Variants in RERE observed in about 807,000 individuals in gnomAD.
RERE encodes the protein arginine-glutamic acid dipeptide repeats protein.
Under a neutral mutation model 146.1 loss-of-function variants are expected in RERE, and 40 were observed. The ratio of observed to expected loss-of-function variants is 0.27; its 90% CI spans 0.21 to 0.36. The LOEUF (loss-of-function observed/expected upper bound fraction) is 0.36. RERE is among the 10% of genes least tolerant of loss of function. RERE has a pLI of 1.00. For synonymous variants in RERE, 1,003 were observed against 866.0 expected (o/e 1.16, Z -2.78); for missense variants, 1,933 against 2,138.7 (o/e 0.90, Z 1.90).
intron 4 of RERE, among the ~76,000 whole-genome samples, chr1:8,605,745 CAA>C (rs564574812): frequency 1.1e-3 from 73 of 64,518 alleles, no homozygotes; most frequent in East Asian, 1.9e-3. Flanking sequence ...ACCCCATCTC[CAA>C]AAAAAAAAAA....
intron 1 of RERE, among the ~76,000 whole-genome samples, chr1:8,743,962 G>T (rs559929506): frequency 4.6e-4 from 70 of 152,202 alleles, no homozygotes; most frequent in African/African-American, 1.6e-3. Flanking sequence ...GGAATATTTG[G>T]GTTTGTTTCA....
intron 10 of RERE, among the ~76,000 whole-genome samples, chr1:8,486,351 C>A (rs183778699): frequency 1.3e-5 from 2 of 152,088 alleles, no homozygotes; most frequent in East Asian, 1.9e-4. Context: ...TACTCTTTGA[C>A]CACTGAATTA....
intron 2 of RERE, among the ~76,000 whole-genome samples, chr1:8,633,431 G>A (rs1378484184): frequency 1.3e-5 from 2 of 151,590 alleles, no homozygotes; most frequent in African/African-American, 4.9e-5. Flanking sequence ...TCTTAAACAC[G>A]CACGTGCGCA....
At chr1:8,650,554 G>A (rs1347054425) in intron 2 of RERE, among the ~76,000 whole-genome samples, 1 of 152,122 alleles carries the variant, frequency 6.6e-6, no homozygotes, top group African/African-American at 2.4e-5. Flanking sequence ...CCTGAGGTCA[G>A]GAGTTCGAGA....
chr1:8,717,099 AG>A (rs1482492396), intron 1 of RERE, among the ~76,000 whole-genome samples: 8 of 152,246 alleles, frequency 5.3e-5, no homozygotes, highest in Admixed American at 5.2e-4. Context: ...AGCTTTTAAA[AG>A]AAGCAGTAGG....
chr1:8,661,880 G>A (rs1036279822), intron 1 of RERE, among the ~76,000 whole-genome samples: 26 of 152,196 alleles, frequency 1.7e-4, no homozygotes, highest in African/African-American at 6.3e-4. Context: ...CAGGAAGTGA[G>A]TACAACTTTT....
At chr1:8,742,472 G>C (rs1191023489) in intron 1 of RERE, among the ~76,000 whole-genome samples, 4 of 152,094 alleles carry the variant, frequency 2.6e-5, no homozygotes, top group African/African-American at 7.2e-5. Context: ...CCACTCAATG[G>C]CCAAGGGAAA....
intron 11 of RERE, among the ~76,000 whole-genome samples, chr1:8,441,821 C>T (rs1391672626): frequency 6.6e-6 from 1 of 151,934 alleles, no homozygotes; most frequent in African/African-American, 2.4e-5. Context: ...TCAACATTTA[C>T]ATTATTTCGT....
At chr1:8,405,781 T>C (rs761514151) in intron 12 of RERE, among the ~76,000 whole-genome samples, 25 of 152,130 alleles carry the variant, frequency 1.6e-4, no homozygotes, top group Non-Finnish European at 2.6e-4. Context: ...TGGGACTACA[T>C]GCACACGCCA....
chr1:8,371,338 C>T (rs190331218), intron 12 of RERE, among the ~76,000 whole-genome samples: 1 of 152,288 alleles, frequency 6.6e-6, no homozygotes, highest in African/African-American at 2.4e-5. Flanking sequence ...GGTGTCTTTC[C>T]AGGCTATACA....
At chr1:8,358,016 G>A (rs992178530) in intron 20 of RERE, among the ~76,000 whole-genome samples, 180 bp downstream of exon 20, 2 of 152,276 alleles carry the variant, frequency 1.3e-5, no homozygotes, top group African/African-American at 2.4e-5. Context: ...CGGGGCCGAG[G>A]AGAGACTGCG....
intron 4 of RERE, among the ~76,000 whole-genome samples, chr1:8,570,059 C>T (rs1646200575): frequency 6.6e-6 from 1 of 152,082 alleles, no homozygotes; most frequent in African/African-American, 2.4e-5. Context: ...AAATTTCTGG[C>T]TGGGTGCGGT....
At chr1:8,566,477 G>A (rs1039937613) in intron 4 of RERE, among the ~76,000 whole-genome samples, 3 of 151,964 alleles carry the variant, frequency 2.0e-5, no homozygotes, top group African/African-American at 4.8e-5. Context: ...AAAATTAGCC[G>A]GGTGTGGTGG....
intron 7 of RERE, among the ~76,000 whole-genome samples, chr1:8,531,759 C>T (rs1645657217): frequency 1.3e-5 from 2 of 152,120 alleles, no homozygotes; most frequent in African/African-American, 2.4e-5. Context: ...AGAGTCCCCT[C>T]CCCAATTATT....
chr1:8,564,826 ATGTGTATGTGTGTGTGTG>A (rs1387366438), intron 4 of RERE, among the ~76,000 whole-genome samples: 4 of 117,938 alleles, frequency 3.4e-5, no homozygotes, highest in Admixed American at 1.7e-4. Flanking sequence ...GTGTGTGTAT[ATGTGTATGTGTGTGTGTG>A]TGTGTGTGTG....
chr1:8,669,910 G>T (rs1176608492), intron 1 of RERE, among the ~76,000 whole-genome samples: 1 of 152,080 alleles, frequency 6.6e-6, no homozygotes, highest in Non-Finnish European at 1.5e-5. Flanking sequence ...CACACCTATA[G>T]AAAAAAATCA....
chr1:8,784,463 G>T (rs990657895), intron 1 of RERE, among the ~76,000 whole-genome samples: 7 of 151,764 alleles, frequency 4.6e-5, no homozygotes, highest in Admixed American at 4.6e-4. Flanking sequence ...TTTGCTTGGG[G>T]TTTTTTTTCT....
intron 12 of RERE, among the ~76,000 whole-genome samples, chr1:8,406,177 G>A (rs749474199): frequency 2.6e-5 from 4 of 152,032 alleles, no homozygotes; most frequent in South Asian, 2.1e-4. Context: ...GGATCACTAC[G>A]GCCTCAACCT....
intron 11 of RERE, chr1:8,429,873 C>T (rs1332303097): frequency 6.6e-6 from 1 of 152,456 alleles, no homozygotes; most frequent in Non-Finnish European, 1.5e-5. Context: ...CTACAGCTCC[C>T]CCGAGGAGAC....
Sources: allele counts gnomAD v4.1 joint callset (sites outside exome capture counted in the v4.1 genomes callset), GRCh38; gene constraint gnomAD v4.1.1; transcripts MANE v1.5; gene names NCBI Gene and HGNC (gene_info 2026-07-23, HGNC 2026-07-21).